Variants in MDFIC observed in about 807,000 individuals in gnomAD.
MDFIC encodes the protein MyoD family inhibitor domain containing, also known as myoD family inhibitor domain-containing protein.
MDFIC carries 17 observed loss-of-function variants against 23.2 expected under a neutral mutation model. The observed-to-expected ratio is 0.73, with a 90% CI of 0.50 to 1.10. MDFIC has a LOEUF of 1.10. MDFIC is among the 50% of genes least tolerant of loss of function. MDFIC has a pLI of 0.00. For missense variants in MDFIC, 356 were observed against 316.6 expected (o/e 1.12, Z -0.95); for synonymous variants, 120 against 115.2 (o/e 1.04, Z -0.27).
chr7:115,005,971 C>G (rs1791562355), intron 4 of MDFIC, among the ~76,000 whole-genome samples: 1 of 152,154 alleles, frequency 6.6e-6, no homozygotes, highest in Non-Finnish European at 1.5e-5. Flanking sequence ...TTCGCTGTAA[C>G]ATTTCACTCT....
At chr7:114,997,018 A>G (rs1040464291) in intron 4 of MDFIC, among the ~76,000 whole-genome samples, 1 of 152,214 alleles carries the variant, frequency 6.6e-6, no homozygotes, top group Non-Finnish European at 1.5e-5. Flanking sequence ...ATCATGTGTC[A>G]AAAGCAACTG....
chr7:114,967,900 C>T (rs1013281247), intron 3 of MDFIC, among the ~76,000 whole-genome samples: 2 of 143,610 alleles, frequency 1.4e-5, no homozygotes, highest in African/African-American at 2.6e-5. Context: ...ATAATCTCAG[C>T]TTACTGTAGC....
At chr7:114,983,604 G>C (rs940543908) in intron 4 of MDFIC, among the ~76,000 whole-genome samples, 2 of 115,774 alleles carry the variant, frequency 1.7e-5, no homozygotes, top group Non-Finnish European at 3.3e-5. Context: ...GTCTCACTCT[G>C]TTGCCCAGGC....
intron 2 of MDFIC, among the ~76,000 whole-genome samples, chr7:114,925,650 G>A (rs1295388609): frequency 6.6e-6 from 1 of 152,188 alleles, no homozygotes; most frequent in Non-Finnish European, 1.5e-5. Context: ...TGGGGATTTT[G>A]GGGAACTGGA....
chr7:115,011,791 C>A (rs899205918), intron 4 of MDFIC, among the ~76,000 whole-genome samples: 1 of 152,146 alleles, frequency 6.6e-6, no homozygotes, highest in Non-Finnish European at 1.5e-5. Context: ...TGGAATGTCA[C>A]TCCCATCTCT....
chr7:114,938,094 T>C (rs1250800418), intron 2 of MDFIC, among the ~76,000 whole-genome samples: 1 of 152,150 alleles, frequency 6.6e-6, no homozygotes, highest in Admixed American at 6.5e-5. Flanking sequence ...GTGGCTGAGA[T>C]TGCAGGAATG....
intron 4 of MDFIC, among the ~76,000 whole-genome samples, chr7:115,005,686 C>G (rs960386663): frequency 6.6e-6 from 1 of 152,148 alleles, no homozygotes; most frequent in African/African-American, 2.4e-5. Context: ...TACTTGCAAA[C>G]AACATGTTCA....
intron 3 of MDFIC, among the ~76,000 whole-genome samples, chr7:114,958,497 T>A (rs1792925124): frequency 6.6e-6 from 1 of 152,222 alleles, no homozygotes; most frequent in Non-Finnish European, 1.5e-5. Flanking sequence ...ACGCCTGTAA[T>A]CCCAGCACTT....
chr7:115,000,216 C>T (rs1474715081), intron 4 of MDFIC, among the ~76,000 whole-genome samples: 2 of 152,124 alleles, frequency 1.3e-5, no homozygotes, highest in Non-Finnish European at 2.9e-5. Context: ...GTTGCAGGTA[C>T]CTACAGTACT....
At chr7:114,964,858 C>G (rs1429146054) in intron 3 of MDFIC, among the ~76,000 whole-genome samples, 3 of 152,132 alleles carry the variant, frequency 2.0e-5, no homozygotes, top group Non-Finnish European at 2.9e-5. Context: ...CCCTTGACGT[C>G]ATTTTTCTAT....
At chr7:114,986,104 T>TTGAGC (rs1357274422) in intron 4 of MDFIC, among the ~76,000 whole-genome samples, 4 of 151,932 alleles carry the variant, frequency 2.6e-5, no homozygotes, top group Non-Finnish European at 5.9e-5. Flanking sequence ...TTTAGCCATG[T>TTGAGC]TGAGCTTGGG....
Position 114,979,527 on chromosome 7 carries a change from A to G in MDFIC, c.239A>G (p.Gln80Arg). The G allele has an allele frequency of 6.2e-7, 1 of 1,612,092 alleles. No individual in the cohort carries two copies. The highest frequency in any genetic ancestry group is 2.2e-5 in the East Asian group (1 of 44,822). Residue 80 changes from glutamine (Q) to arginine (R), a missense_variant, in exon 4 of 5, where the codon CAG becomes CGG. By Grantham distance (43) the Gln-to-Arg change is conservative (BLOSUM62 1). Coordinates refer to ENST00000393486, the MANE Select transcript of MDFIC (RefSeq NM_001166345.3). ...LIRTQPQRLP[Q>R]LQTSAQVPSG... ...TTAGCCCAACCTCAGCGCTTGCCTC[A>G]GCTTCAGACTTCAGCCCAGGTGCCA...
At chr7:114,953,296 T>G (rs1413139410) in intron 3 of MDFIC, among the ~76,000 whole-genome samples, 2 of 152,200 alleles carry the variant, frequency 1.3e-5, no homozygotes, top group Admixed American at 1.3e-4. Flanking sequence ...ATTCAAATAT[T>G]TTACCCCAAT....
In MDFIC at chr7:115,018,933, G is replaced by A. The variant is rs907684153; in HGVS notation, c.*2998G>A. Reference sequence around the variant, plus strand: ...CCGTAAATGAACTATGAAAGATATCGATCAGTTTATGATCATTGACATGTG... The same window carrying A: ...CCGTAAATGAACTATGAAAGATATCAATCAGTTTATGATCATTGACATGTG... On this transcript the variant is annotated 3_prime_UTR_variant, in exon 5 of 5. Coordinates refer to ENST00000393486, the MANE Select transcript of MDFIC (RefSeq NM_001166345.3). The A allele has an allele frequency of 2.0e-5, 3 of 151,542 alleles. No individual in the cohort carries two copies. Among genetic ancestry groups the A allele is most frequent in the Admixed American group, 6.6e-5 (1 of 15,214 alleles). 9.4% of individuals were successfully genotyped at this position (151,542 alleles called of 1,614,324 possible).
At chr7:114,993,646 T>C (rs1022260373) in intron 4 of MDFIC, among the ~76,000 whole-genome samples, 8 of 152,196 alleles carry the variant, frequency 5.3e-5, no homozygotes, top group African/African-American at 7.2e-5. Context: ...AGTTTCCATG[T>C]AGTTGAGTGG....
At chr7:114,934,534 T>A (rs1449877440) in intron 2 of MDFIC, among the ~76,000 whole-genome samples, 4 of 152,196 alleles carry the variant, frequency 2.6e-5, no homozygotes, top group Admixed American at 6.5e-5. Flanking sequence ...CCCAAACCTA[T>A]AAAGTGATTG....
chr7:114,954,720 T>C (rs1170935207), intron 3 of MDFIC, among the ~76,000 whole-genome samples: 2 of 152,238 alleles, frequency 1.3e-5, no homozygotes, highest in African/African-American at 4.8e-5. Flanking sequence ...AGTTCTGGTC[T>C]ACATGCCTGA....
intron 2 of MDFIC, among the ~76,000 whole-genome samples, chr7:114,941,346 G>A (rs539978681): frequency 6.6e-6 from 1 of 152,240 alleles, no homozygotes; most frequent in East Asian, 1.9e-4. Flanking sequence ...TCCACACAAT[G>A]TCTCTAATCA....
At chr7:114,970,480 C>G (rs956866454) in intron 3 of MDFIC, among the ~76,000 whole-genome samples, 2 of 152,108 alleles carry the variant, frequency 1.3e-5, no homozygotes, top group Non-Finnish European at 2.9e-5. Context: ...TGACTCTGGT[C>G]CCTTGCTTTA....
Sources: allele counts gnomAD v4.1 joint callset (sites outside exome capture counted in the v4.1 genomes callset), GRCh38; gene constraint gnomAD v4.1.1; transcripts MANE v1.5; gene names NCBI Gene and HGNC (gene_info 2026-07-23, HGNC 2026-07-21).